GNB5: variants seen among roughly 807,000 people sequenced by gnomAD.
GNB5 encodes the protein G protein subunit beta 5.
GNB5 carries 37 observed loss-of-function variants against 55.3 expected under a neutral mutation model. The ratio of observed to expected loss-of-function variants is 0.67; its 90% CI spans 0.51 to 0.88. The LOEUF (loss-of-function observed/expected upper bound fraction) is 0.88. Among genes scored for constraint, GNB5 ranks in the 40% least tolerant of loss-of-function variants. The probability of loss-of-function intolerance (pLI) is 0.00; values close to 1 mark genes in which losing one functional copy is unlikely to be tolerated. For missense variants in GNB5, 476 were observed against 515.3 expected (o/e 0.92, Z 0.74); for synonymous variants, 219 against 198.5 (o/e 1.10, Z -0.87).
chr15:52,145,633 A>G (rs371362209), intron 6 of GNB5, among the ~76,000 whole-genome samples: 1 of 152,110 alleles, frequency 6.6e-6, no homozygotes, highest in East Asian at 1.9e-4. Flanking sequence ...TGACAGAGCC[A>G]GACTCCATCT....
At chr15:52,181,981 A>C (rs2034778465) in intron 2 of GNB5, among the ~76,000 whole-genome samples, 1 of 152,234 alleles carries the variant, frequency 6.6e-6, no homozygotes. Context: ...CAAAAATATT[A>C]CACCTGTTTG....
At position 52,118,328 on chromosome 15, in the gene GNB5, C is replaced by T. The variant is rs28624115; in HGVS notation, c.*4429G>A. The T allele has an allele frequency of 6.6e-5, 10 of 151,778 alleles. No homozygotes were observed. Among genetic ancestry groups the T allele is most frequent in the Admixed American group, 6.6e-5 (1 of 15,256 alleles). The allele number at this position is 151,778 out of a possible 1,614,324, so 9.4% of individuals were successfully genotyped here. On this transcript the variant is annotated 3_prime_UTR_variant, in exon 13 of 13. Transcript: ENST00000261837. Reference sequence around the variant, plus strand: ...CTGAGACCCTTTCAGGGGGTCCTCACGGTCAAAACTATTTTCATAATAATA... The same window carrying T: ...CTGAGACCCTTTCAGGGGGTCCTCATGGTCAAAACTATTTTCATAATAATA...
intron 7 of GNB5, among the ~76,000 whole-genome samples, chr15:52,136,619 A>C (rs1167011999): frequency 1.3e-5 from 2 of 152,194 alleles, no homozygotes; most frequent in Non-Finnish European, 2.9e-5. Flanking sequence ...TCCCGAGCAC[A>C]GTGCTGCCCA....
chr15:52,151,410 C>T (rs994310341), intron 4 of GNB5, among the ~76,000 whole-genome samples: 6 of 152,166 alleles, frequency 3.9e-5, no homozygotes, highest in Non-Finnish European at 7.3e-5. Flanking sequence ...GTGGTCTCCT[C>T]GGTGAGCACA....
At chr15:52,137,724 G>A in intron 7 of GNB5, 1 of 1,189,094 alleles carries the variant, frequency 8.4e-7, no homozygotes, top group Non-Finnish European at 1.1e-6. Context: ...GAAAGGCAGT[G>A]AGGACTCAGG....
chr15:52,156,406 A>G (rs977839807), intron 3 of GNB5, among the ~76,000 whole-genome samples: 3 of 152,194 alleles, frequency 2.0e-5, no homozygotes, highest in African/African-American at 4.8e-5. Flanking sequence ...CATGGGCTAA[A>G]AGTCTTTGTG....
Position 52,116,872 on chromosome 15 carries a change from C to G in GNB5, c.*5885G>C, listed in dbSNP as rs1018446142. 1 of 151,774 alleles carries G rather than the reference C, an allele frequency of 6.6e-6. No homozygotes were observed. The highest frequency in any genetic ancestry group is 1.5e-5 in the Non-Finnish European group (1 of 67,958). 9.4% of individuals were successfully genotyped at this position (151,774 alleles called of 1,614,324 possible). On this transcript the variant is annotated 3_prime_UTR_variant, in exon 13 of 13. Coordinates refer to ENST00000261837, the MANE Select transcript of GNB5 (RefSeq NM_016194.4). The stretch of plus-strand genomic sequence containing the variant: ...TAGCCAAGGATAATTATTTCAAAAC[C>G]ATTATGTAATCCTCCTCATTTTTTC...
At chr15:52,174,324 G>A (rs2141234715) in intron 3 of GNB5, among the ~76,000 whole-genome samples, 1 of 152,350 alleles carries the variant, frequency 6.6e-6, no homozygotes, top group East Asian at 1.9e-4. Flanking sequence ...GTAGCAATCA[G>A]AAATGAATGC....
chr15:52,147,386 G>C (rs755352065), intron 6 of GNB5, 73 bp downstream of exon 6: 10 of 864,940 alleles, frequency 1.2e-5, no homozygotes, highest in Non-Finnish European at 2.0e-5. Context: ...GTTCTTGTTT[G>C]TTTGTTTTTG....
chr15:52,128,385 C>A (rs528535942), intron 9 of GNB5, 141 bp from the exon 10 acceptor site: 2 of 656,016 alleles, frequency 3.0e-6, no homozygotes, highest in African/African-American at 1.8e-5. Context: ...AGAGGAAGCT[C>A]CTATGTCAGG....
intron 11 of GNB5, chr15:52,125,669 G>C (rs956228202): frequency 3.6e-6 from 1 of 280,746 alleles, no homozygotes; most frequent in African/African-American, 2.2e-5. Flanking sequence ...AAATGCCTGA[G>C]AGCATTGTGG....
intron 3 of GNB5, 76 bp downstream of exon 3, chr15:52,179,692 A>AC: frequency 6.6e-5 from 22 of 333,744 alleles, no homozygotes; most frequent in Non-Finnish European, 9.8e-5. Flanking sequence ...GACCGCCCCC[A>AC]CCGCCCCCGC....
At chr15:52,147,691 A>G (rs1485025617) in intron 5 of GNB5, among the ~76,000 whole-genome samples, 156 bp from the exon 6 acceptor site, 1 of 151,938 alleles carries the variant, frequency 6.6e-6, no homozygotes, top group African/African-American at 2.4e-5. Flanking sequence ...GGTTCAAGCA[A>G]TTCTCCTATC....
At chr15:52,187,916 T>C (rs1190584538) in intron 1 of GNB5, among the ~76,000 whole-genome samples, 1 of 151,552 alleles carries the variant, frequency 6.6e-6, no homozygotes, top group East Asian at 1.9e-4. Flanking sequence ...GCCACTGCAC[T>C]CCAGCCTGGG....
intron 7 of GNB5, chr15:52,138,026 C>T (rs768470942): frequency 7.1e-6 from 8 of 1,124,598 alleles, no homozygotes; most frequent in African/African-American, 1.6e-5. Flanking sequence ...CTTCAATTTC[C>T]AGCTGCTGAT....
At position 52,115,709 on chromosome 15, in the gene GNB5, T is replaced by A. The variant is rs1441200419; in HGVS notation, c.*7048A>T. 6.6e-6 allele frequency: 1 copy of A among 152,228 alleles called. No individual in the cohort carries two copies. Among genetic ancestry groups the A allele is most frequent in the African/African-American group, 2.4e-5 (1 of 41,460 alleles). 9.4% of individuals were successfully genotyped at this position (152,228 alleles called of 1,614,324 possible). A position where few individuals can be genotyped will look rare whatever the true frequency, so the allele number is the denominator to read the frequency against. On this transcript the variant is annotated 3_prime_UTR_variant, in exon 13 of 13. Coordinates refer to ENST00000261837, the MANE Select transcript of GNB5 (RefSeq NM_016194.4). ...GTTTTAAGTAACAGCTTTATTGAGA[T>A]GTAATTCATATACCAAAAAATTCAC...
intron 3 of GNB5, among the ~76,000 whole-genome samples, chr15:52,166,742 A>G (rs1216591033): frequency 6.6e-6 from 1 of 152,208 alleles, no homozygotes; most frequent in African/African-American, 2.4e-5. Flanking sequence ...GAAAGATCTC[A>G]AATCAACAAC....
intron 6 of GNB5, among the ~76,000 whole-genome samples, chr15:52,146,256 G>A (rs2033974762): frequency 6.6e-6 from 1 of 152,068 alleles, no homozygotes; most frequent in Non-Finnish European, 1.5e-5. Flanking sequence ...CACTTGCCCG[G>A]CCTAATATGC....
At chr15:52,184,996 G>C (rs1304845214) in intron 1 of GNB5, among the ~76,000 whole-genome samples, 1 of 152,178 alleles carries the variant, frequency 6.6e-6, no homozygotes, top group Non-Finnish European at 1.5e-5. Context: ...AATTCTGTGG[G>C]GTTTCACAAT....
Sources: allele counts gnomAD v4.1 joint callset (sites outside exome capture counted in the v4.1 genomes callset), GRCh38; gene constraint gnomAD v4.1.1; transcripts MANE v1.5; gene names NCBI Gene and HGNC (gene_info 2026-07-23, HGNC 2026-07-21).